The following ANKMY2 variants were observed in gnomAD, a reference collection of about 807,000 sequenced individuals.
ANKMY2 encodes the protein ankyrin repeat and MYND domain containing 2, also known as ankyrin repeat and MYND domain-containing protein 2.
Under a neutral mutation model 50.4 loss-of-function variants are expected in ANKMY2, and 36 were observed. That is an observed-to-expected ratio of 0.71 (90% CI 0.55 to 0.94). The LOEUF (loss-of-function observed/expected upper bound fraction) is 0.94. Ranked by LOEUF, ANKMY2 falls within the 40% of genes least tolerant of loss-of-function variation. ANKMY2 has a pLI of 0.00. For synonymous variants in ANKMY2, 187 were observed against 178.8 expected (o/e 1.05, Z -0.36); for missense variants, 565 against 524.0 (o/e 1.08, Z -0.76).
At chr7:16,609,787 G>T in intron 6 of ANKMY2, 22 bp from the exon 7 acceptor site, 1 of 1,606,044 alleles carries the variant, frequency 6.2e-7, no homozygotes, top group Non-Finnish European at 8.5e-7. Flanking sequence ...TTTTTAAAGC[G>T]TAATTGGAGT....
chr7:16,635,050 A>G (rs1217311624), intron 2 of ANKMY2, among the ~76,000 whole-genome samples: 1 of 152,222 alleles, frequency 6.6e-6, no homozygotes, highest in Non-Finnish European at 1.5e-5. Context: ...CCATACCAAC[A>G]TTTGTACATA....
intron 1 of ANKMY2, 53 bp downstream of exon 1, chr7:16,645,454 C>T: frequency 1.3e-6 from 2 of 1,548,864 alleles, no homozygotes; most frequent in Non-Finnish European, 1.7e-6. Flanking sequence ...CCGGGCTCCG[C>T]CACGCCCCCC....
intron 9 of ANKMY2, among the ~76,000 whole-genome samples, chr7:16,601,508 A>C (rs1328239725): frequency 6.6e-6 from 1 of 152,258 alleles, no homozygotes; most frequent in African/African-American, 2.4e-5. Context: ...AGAATAAAAA[A>C]GTTTGGTCAA....
chr7:16,645,476 C>T (rs1339454800), intron 1 of ANKMY2, 31 bp downstream of exon 1: 6 of 1,587,232 alleles, frequency 3.8e-6, no homozygotes, highest in Non-Finnish European at 5.1e-6. Flanking sequence ...GCCAGGCTGG[C>T]CGCGGCCGCG....
chr7:16,643,897 G>A lies in ANKMY2; in HGVS notation c.67+1610C>T, dbSNP rs190445148. Among the ~76,000 whole-genome samples the A allele has an allele frequency of 9.9e-5, 15 of 152,094 alleles. No individual in the cohort carries two copies. The East Asian group carries it at 2.9e-3, about 29-fold the overall frequency. On this transcript the variant is annotated intron_variant, in intron 1 of 9. Coordinates refer to ENST00000306999, the MANE Select transcript of ANKMY2 (RefSeq NM_020319.3). ...AAAAAAAAATCTTTCTAAAGTAGCCGGGCATGGTGGCTCGCACCTGTAGTC... is the reference window on the plus strand; with the variant it reads ...AAAAAAAAATCTTTCTAAAGTAGCCAGGCATGGTGGCTCGCACCTGTAGTC...
At chr7:16,645,011 A>C (rs1191795314) in intron 1 of ANKMY2, among the ~76,000 whole-genome samples, 1 of 152,092 alleles carries the variant, frequency 6.6e-6, no homozygotes, top group Non-Finnish European at 1.5e-5. Flanking sequence ...CTAGTTCTGT[A>C]CCCTTATGAA....
intron 2 of ANKMY2, among the ~76,000 whole-genome samples, chr7:16,633,214 C>T (rs530879804): frequency 1.2e-3 from 180 of 150,754 alleles, no homozygotes; most frequent in African/African-American, 4.2e-3. Flanking sequence ...TTCACTTTCT[C>T]GGTGGTACGC....
intron 2 of ANKMY2, among the ~76,000 whole-genome samples, chr7:16,632,048 TCTCC>T (rs963123552): frequency 2.0e-4 from 30 of 152,076 alleles, no homozygotes; most frequent in East Asian, 3.9e-4. Context: ...TGTTTTTCTT[TCTCC>T]CTCCCTCCCT....
rs748754207 is a variant in ANKMY2, at chr7:16,636,402, A to G, written c.121T>C (p.Cys41Arg). The change falls in exon 2 of 10, where the codon TGT becomes CGT. Residue 41 changes from cysteine to arginine, a missense_variant. Cys to Arg is a radical substitution (Grantham distance 180). Transcript: ENST00000306999. ...LLSSKNVRVN[C>R]LDENGMTPLM... ...TTCTAAAATCTTACCTCGTCCAAACAGTTGACACGAACATTCTTGCTGGAT... is the reference window on the plus strand; with the variant it reads ...TTCTAAAATCTTACCTCGTCCAAACGGTTGACACGAACATTCTTGCTGGAT... 1 of 1,603,292 alleles carries G rather than the reference A, an allele frequency of 6.2e-7. No individual in the cohort carries two copies. Among genetic ancestry groups the G allele is most frequent in the South Asian group, 1.1e-5 (1 of 89,112 alleles).
At position 16,645,736 on chromosome 7, in the gene ANKMY2, G is replaced by C; in HGVS notation, c.-163C>G. 3 of 779,794 alleles carry C rather than the reference G, an allele frequency of 3.8e-6. No individual in the cohort carries two copies. The highest frequency in any genetic ancestry group is 5.6e-6 in the Non-Finnish European group (3 of 533,256). 48.3% of individuals were successfully genotyped at this position (779,794 alleles called of 1,614,324 possible). On this transcript the variant is annotated 5_prime_UTR_variant, in exon 1 of 10. Transcript: ENST00000306999. ...CTTCTCTCCTCCCTCCCGCGGGCTGGCGGACAGCGGGCGAGCTCGGGCGAG... is the reference window on the plus strand; with the variant it reads ...CTTCTCTCCTCCCTCCCGCGGGCTGCCGGACAGCGGGCGAGCTCGGGCGAG...
At position 16,640,696 on chromosome 7, in the gene ANKMY2, A is replaced by AT. The variant is rs1390066423; in HGVS notation, c.68-4242dup. Among the ~76,000 whole-genome samples, 7 of 151,746 alleles carry AT rather than the reference A, an allele frequency of 4.6e-5. No homozygotes were observed. In the East Asian group the frequency reaches 1.4e-3, roughly 30 times the overall value. On this transcript the variant is annotated intron_variant, in intron 1 of 9. Transcript: ENST00000306999. Reference sequence around the variant, plus strand: ...GCCACCGCACCCAGCTAATTTTTACATTTTTTGTAACAACGGGGTCTCACT... The same window carrying AT: ...GCCACCGCACCCAGCTAATTTTTACATTTTTTTGTAACAACGGGGTCTCACT...
chr7:16,627,588 C>T (rs922581427), intron 2 of ANKMY2, among the ~76,000 whole-genome samples: 4 of 152,138 alleles, frequency 2.6e-5, no homozygotes, highest in Middle Eastern at 3.2e-3. Flanking sequence ...ATGGTATATG[C>T]ATAACATGGG....
At position 16,616,031 on chromosome 7, in the gene ANKMY2, G is replaced by A. The variant is rs1583673171; in HGVS notation, c.371-127C>T. The A allele has an allele frequency of 2.1e-5, 18 of 837,476 alleles. 1 individual carries two copies. Among genetic ancestry groups the A allele is most frequent in the East Asian group, 1.9e-4 (7 of 37,062 alleles). 51.9% of individuals were successfully genotyped at this position (837,476 alleles called of 1,614,324 possible). A position where few individuals can be genotyped will look rare whatever the true frequency, so the allele number is the denominator to read the frequency against. Reference sequence around the variant, plus strand: ...CCAATATCTTTATTTTTCAGGAAAGGAGAGTAGAGGAGGAGGAGGAGAGAT... The same window carrying A: ...CCAATATCTTTATTTTTCAGGAAAGAAGAGTAGAGGAGGAGGAGGAGAGAT... On this transcript the variant is annotated intron_variant, in intron 4 of 9. Coordinates refer to ENST00000306999, the MANE Select transcript of ANKMY2 (RefSeq NM_020319.3).
intron 4 of ANKMY2, among the ~76,000 whole-genome samples, chr7:16,616,572 G>GC (rs56306050): frequency 1.4e-3 from 66 of 48,310 alleles, no homozygotes; most frequent in Admixed American, 5.5e-3. Context: ...CTCCTGCGGC[G>GC]CCCCCCCCTC....
intron 9 of ANKMY2, among the ~76,000 whole-genome samples, chr7:16,601,328 A>G (rs1254434198): frequency 6.6e-6 from 1 of 152,252 alleles, no homozygotes; most frequent in African/African-American, 2.4e-5. Context: ...TATGCAGGTA[A>G]TAAAGGCTAT....
intron 4 of ANKMY2, among the ~76,000 whole-genome samples, chr7:16,622,047 AGAAG>A (rs1781443276): frequency 6.6e-6 from 1 of 151,922 alleles, no homozygotes; most frequent in African/African-American, 2.4e-5. Flanking sequence ...AGAAGAAGAA[AGAAG>A]GAAGAAGAAG....
chr7:16,642,932 T>C (rs1781764594), intron 1 of ANKMY2, among the ~76,000 whole-genome samples: 1 of 152,182 alleles, frequency 6.6e-6, no homozygotes, highest in Non-Finnish European at 1.5e-5. Flanking sequence ...GTTTATTACC[T>C]ATGGGCCCTG....
intron 1 of ANKMY2, among the ~76,000 whole-genome samples, chr7:16,638,747 G>A (rs561202943): frequency 6.6e-5 from 10 of 152,196 alleles, no homozygotes; most frequent in South Asian, 4.2e-4. Flanking sequence ...TCCAACAGTC[G>A]CCTCATTAGA....
intron 1 of ANKMY2, 38 bp downstream of exon 1, chr7:16,645,469 A>T (rs781103735): frequency 6.3e-7 from 1 of 1,575,822 alleles, no homozygotes; most frequent in Non-Finnish European, 8.6e-7. Context: ...CCCCCCGGCC[A>T]GGCTGGCCGC....
Sources: allele counts gnomAD v4.1 joint callset (sites outside exome capture counted in the v4.1 genomes callset), GRCh38; gene constraint gnomAD v4.1.1; transcripts MANE v1.5; gene names NCBI Gene and HGNC (gene_info 2026-07-23, HGNC 2026-07-21).